The following MIB1 variants were observed in gnomAD, a reference collection of about 807,000 sequenced individuals.
MIB1 encodes MIB E3 ubiquitin protein ligase 1, also known as E3 ubiquitin-protein ligase MIB1.
Under a neutral mutation model 124.5 loss-of-function variants are expected in MIB1, and 278 were observed. The ratio of observed to expected loss-of-function variants is 2.23; its 90% confidence interval spans 2.02 to 2.47. The LOEUF is 2.47. Among genes scored for constraint, MIB1 ranks in the 30% most tolerant of loss-of-function variants. MIB1 has a pLI of 0.00. For synonymous variants in MIB1, 446 were observed against 429.4 expected (o/e 1.04, Z -0.48); for missense variants, 957 against 1,254.4 (o/e 0.76, Z 3.58).
At chr18:21,853,921 G>T (rs2042202871) in intron 18 of MIB1, among the ~76,000 whole-genome samples, 1 of 149,168 alleles carries the variant, frequency 6.7e-6, no homozygotes, top group South Asian at 2.1e-4. Context: ...CTGGAGTGCA[G>T]TGGCACAATC....
intron 1 of MIB1, among the ~76,000 whole-genome samples, chr18:21,756,028 ATCATGGTGCCTTAC>A (rs2041027589): frequency 6.6e-6 from 1 of 152,198 alleles, no homozygotes; most frequent in African/African-American, 2.4e-5. Flanking sequence ...AATATTTTAC[ATCATGGTGCCTTAC>A]TCATCCCTTA....
chr18:21,766,628 C>T (rs535981562), intron 2 of MIB1, among the ~76,000 whole-genome samples: 14 of 149,900 alleles, frequency 9.3e-5, no homozygotes, highest in Admixed American at 4.6e-4. Context: ...ATTTTGGAGT[C>T]ATACCTCTCT....
chr18:21,856,186 C>T lies in MIB1; in HGVS notation c.2666-944C>T, dbSNP rs562143242. ...CGGAGCTTGCAGTGAGCTGAGATTG[C>T]GCCACTGCAGTCCGCAGTCCGGCCT... On this transcript the variant is annotated intron_variant, in intron 18 of 20. Coordinates refer to ENST00000261537, the MANE Select transcript of MIB1 (RefSeq NM_020774.4). Among the ~76,000 whole-genome samples, 91 of 149,078 alleles carry T rather than the reference C, an allele frequency of 6.1e-4. 1 individual carries two copies. In the South Asian group the frequency reaches 0.017, roughly 28 times the overall value.
chr18:21,795,192 A>G (rs1274128751), intron 7 of MIB1, among the ~76,000 whole-genome samples: 1 of 149,418 alleles, frequency 6.7e-6, no homozygotes, highest in East Asian at 1.9e-4. Flanking sequence ...TTAGATCAAA[A>G]TATTAGGAAA....
chr18:21,754,767 A>C (rs951219695), intron 1 of MIB1, among the ~76,000 whole-genome samples: 1 of 152,236 alleles, frequency 6.6e-6, no homozygotes, highest in African/African-American at 2.4e-5. Flanking sequence ...TTAAACTACA[A>C]AAGTTAGGGC....
In MIB1 at chr18:21,870,434, C is replaced by T. The variant is rs2042347214; in HGVS notation, c.*5768C>T. On this transcript the variant is annotated 3_prime_UTR_variant, in exon 21 of 21. Transcript: ENST00000261537. ...AAAGAAGCATTTCATATTTTAACAC[C>T]TCACATTCTTTCAGGATTAAGACAT... 1 of 152,072 alleles carries T rather than the reference C, an allele frequency of 6.6e-6. No individual in the cohort carries two copies. Among genetic ancestry groups the T allele is most frequent in the Non-Finnish European group, 1.5e-5 (1 of 67,988 alleles). The allele number at this position is 152,072 out of a possible 1,614,324, so 9.4% of individuals were successfully genotyped here. A position where few individuals can be genotyped will look rare whatever the true frequency, so the allele number is the denominator to read the frequency against.
intron 12 of MIB1, among the ~76,000 whole-genome samples, chr18:21,837,246 C>A (rs886607157): frequency 6.6e-6 from 1 of 152,190 alleles, no homozygotes; most frequent in African/African-American, 2.4e-5. Flanking sequence ...CAGTGGCTCA[C>A]GCCTGTAATC....
chr18:21,732,860 G>A (rs967993023), intron 1 of MIB1, among the ~76,000 whole-genome samples: 9 of 152,172 alleles, frequency 5.9e-5, no homozygotes, highest in African/African-American at 2.2e-4. Flanking sequence ...CTGTTGTGGT[G>A]GAGAAGAACT....
intron 12 of MIB1, among the ~76,000 whole-genome samples, chr18:21,835,801 C>CTCCACA (rs1555695315): frequency 5.9e-5 from 6 of 101,586 alleles, no homozygotes; most frequent in Non-Finnish European, 5.5e-5. Flanking sequence ...ATATATATAT[C>CTCCACA]CACACACACA....
chr18:21,870,831 T>C lies in MIB1; in HGVS notation c.*6165T>C, dbSNP rs2042349863. 6.6e-6 allele frequency: 1 copy of C among 152,210 alleles called. No individual in the cohort carries two copies. The highest frequency in any genetic ancestry group is 1.5e-5 in the Non-Finnish European group (1 of 68,026). The allele number at this position is 152,210 out of a possible 1,614,324, so 9.4% of individuals were successfully genotyped here. A position where few individuals can be genotyped will look rare whatever the true frequency, so the allele number is the denominator to read the frequency against. On this transcript the variant is annotated 3_prime_UTR_variant, in exon 21 of 21. Coordinates refer to ENST00000261537, the MANE Select transcript of MIB1 (RefSeq NM_020774.4). ...TTCCAACTTTAAAATTGTGAATTTA[T>C]TTTGAGTAACCTCTAATTAACTGTA...
intron 12 of MIB1, among the ~76,000 whole-genome samples, chr18:21,833,227 A>G (rs1038033444): frequency 1.3e-5 from 2 of 152,206 alleles, no homozygotes; most frequent in African/African-American, 4.8e-5. Context: ...GAACAAAACC[A>G]TGCATCAAAT....
intron 6 of MIB1, 84 bp from the exon 7 acceptor site, chr18:21,791,290 A>T: frequency 9.1e-7 from 1 of 1,103,756 alleles, no homozygotes; most frequent in African/African-American, 1.6e-5. Flanking sequence ...GGATTGCCTT[A>T]CTCTTTTGAT....
At chr18:21,831,578 A>G (rs559438789) in intron 12 of MIB1, among the ~76,000 whole-genome samples, 25 of 152,154 alleles carry the variant, frequency 1.6e-4, no homozygotes, top group South Asian at 6.2e-4. Flanking sequence ...GGAAGCCTCA[A>G]TCTTGCTTTC....
intron 1 of MIB1, among the ~76,000 whole-genome samples, chr18:21,729,988 G>GAT (rs952187595): frequency 1.4e-4 from 22 of 152,316 alleles, no homozygotes; most frequent in African/African-American, 4.8e-4. Flanking sequence ...AAGGTATCTT[G>GAT]ATATAGCAGC....
At chr18:21,850,213 G>C (rs1194038552) in intron 17 of MIB1, among the ~76,000 whole-genome samples, 10 of 151,914 alleles carry the variant, frequency 6.6e-5, no homozygotes, top group Admixed American at 6.6e-4. Flanking sequence ...TTATTTTTTA[G>C]TTTTTCAATA....
chr18:21,806,561 G>T (rs2041709279), intron 10 of MIB1, among the ~76,000 whole-genome samples: 1 of 151,400 alleles, frequency 6.6e-6, no homozygotes, highest in South Asian at 2.1e-4. Flanking sequence ...CTATAAACAT[G>T]GTATGATGGG....
chr18:21,838,450 G>A lies in MIB1; in HGVS notation c.1915G>A (p.Ala639Thr), dbSNP rs752874384. ...TGATGGTTATACTGCCTTACATCTG[G>A]CTGCCCTTAATAATCACGTAGAAGT... ...KDDGYTALHL[A>T]ALNNHVEVAE... is the part of the protein sequence containing the mutation. The change falls in exon 13 of 21, where the codon GCT (alanine) becomes ACT (threonine). Residue 639 changes from alanine (A) to threonine (T), a missense_variant. Ala to Thr is a moderately conservative substitution (Grantham distance 58). Coordinates refer to ENST00000261537, the MANE Select transcript of MIB1 (RefSeq NM_020774.4). 8.1e-6 allele frequency: 13 copies of A among 1,611,318 alleles called. No individual in the cohort carries two copies. Among genetic ancestry groups the A allele is most frequent in the Non-Finnish European group, 1.1e-5 (13 of 1,178,416 alleles).
At chr18:21,844,017 A>G in intron 14 of MIB1, 75 bp from the exon 15 acceptor site, 1 of 1,453,334 alleles carries the variant, frequency 6.9e-7, no homozygotes, top group Non-Finnish European at 9.6e-7. Flanking sequence ...GGGTGTTCTC[A>G]CCATTACTTT....
intron 1 of MIB1, among the ~76,000 whole-genome samples, chr18:21,722,618 C>T (rs1782355351): frequency 6.6e-6 from 1 of 152,104 alleles, no homozygotes; most frequent in Admixed American, 6.6e-5. Flanking sequence ...ATCTGCTTGC[C>T]TCAGCCTCTC....
Sources: allele counts gnomAD v4.1 joint callset (sites outside exome capture counted in the v4.1 genomes callset), GRCh38; gene constraint gnomAD v4.1.1; transcripts MANE v1.5; gene names NCBI Gene and HGNC (gene_info 2026-07-23, HGNC 2026-07-21).